Variants in ZMAT3 observed in about 807,000 individuals in gnomAD.
ZMAT3 encodes the protein zinc finger matrin-type 3.
A neutral mutation model predicts 32.3 loss-of-function variants in ZMAT3; 17 were observed. The observed-to-expected ratio is 0.53, with a 90% CI of 0.36 to 0.79. The LOEUF (loss-of-function observed/expected upper bound fraction) is 0.79, where lower values mean the gene tolerates loss of function less well. Ranked by LOEUF, ZMAT3 falls within the 30% of genes least tolerant of loss-of-function variation. The pLI, the probability that ZMAT3 is intolerant of heterozygous loss-of-function variation, is 0.00. For missense variants in ZMAT3, 329 were observed against 359.7 expected (o/e 0.91, Z 0.69); for synonymous variants, 120 against 133.1 (o/e 0.90, Z 0.68).
chr3:179,036,882 T>G (rs1201121076), intron 2 of ZMAT3, among the ~76,000 whole-genome samples: 1 of 152,018 alleles, frequency 6.6e-6, no homozygotes, highest in African/African-American at 2.4e-5. Context: ...AGTGAGAACT[T>G]CCTCGATGCC....
intron 2 of ZMAT3, among the ~76,000 whole-genome samples, chr3:179,048,377 A>T (rs1298893743): frequency 6.6e-6 from 1 of 152,228 alleles, no homozygotes; most frequent in Admixed American, 6.5e-5. Flanking sequence ...ACCTAAAGTC[A>T]AGATGAAAGA....
chr3:179,044,603 C>T (rs539387028), intron 2 of ZMAT3, among the ~76,000 whole-genome samples: 1 of 152,114 alleles, frequency 6.6e-6, no homozygotes, highest in East Asian at 1.9e-4. Flanking sequence ...AAGATTGCAC[C>T]ACCACACTCC....
rs1226876046 is a variant in ZMAT3 at position 179,023,646 on chromosome 3, T to C, written c.*1371A>G. 1 of 131,138 alleles carries C rather than the reference T, an allele frequency of 7.6e-6. No homozygotes were observed. The highest frequency in any genetic ancestry group is 8.0e-5 in the Admixed American group (1 of 12,564). 8.1% of individuals were successfully genotyped at this position (131,138 alleles called of 1,614,324 possible). A position where few individuals can be genotyped will look rare whatever the true frequency, so the allele number is the denominator to read the frequency against. On this transcript the variant is annotated 3_prime_UTR_variant, in exon 6 of 6. Coordinates refer to ENST00000311417, the MANE Select transcript of ZMAT3 (RefSeq NM_022470.4). ...TTACTATCAATGAAGTAACTCTAAA[T>C]TGGAAAATCAAACACACCTTTGTTT...
At chr3:179,062,749 A>G (rs1721214465) in intron 2 of ZMAT3, among the ~76,000 whole-genome samples, 1 of 152,220 alleles carries the variant, frequency 6.6e-6, no homozygotes, top group Non-Finnish European at 1.5e-5. Context: ...TGTTGGTTGA[A>G]TTATTCTTCA....
In ZMAT3 at chr3:179,055,129, A is replaced by G. The variant is rs192791365; in HGVS notation, c.270+12354T>C. ...TTTTGGCAACCACAAAGGGACCTCC[A>G]AAGCGATGGGAAACATTCCCCCCAA... is the stretch of plus-strand genomic sequence containing the variant. On this transcript the variant is annotated intron_variant, in intron 2 of 5. Transcript: ENST00000311417. Among the ~76,000 whole-genome samples, 5 of 152,322 alleles carry G rather than the reference A, an allele frequency of 3.3e-5. 1 individual carries two copies. Among genetic ancestry groups the G allele is most frequent in the Admixed American group, 3.3e-4 (5 of 15,306 alleles).
chr3:179,059,069 G>T (rs1051692439), intron 2 of ZMAT3, among the ~76,000 whole-genome samples: 1 of 152,106 alleles, frequency 6.6e-6, no homozygotes, highest in Non-Finnish European at 1.5e-5. Flanking sequence ...TGGCTGTACA[G>T]AAACCTAAAG....
chr3:179,063,008 G>T (rs935287844), intron 2 of ZMAT3, among the ~76,000 whole-genome samples: 2 of 152,164 alleles, frequency 1.3e-5, no homozygotes, highest in African/African-American at 4.8e-5. Context: ...TCACAATCCT[G>T]CAGAGGAAGT....
intron 2 of ZMAT3, among the ~76,000 whole-genome samples, chr3:179,031,581 C>A (rs1421853779): frequency 5.9e-5 from 9 of 152,036 alleles, no homozygotes; most frequent in Non-Finnish European, 8.8e-5. Flanking sequence ...AGAACACAGC[C>A]AAAGGAAATT....
intron 2 of ZMAT3, among the ~76,000 whole-genome samples, chr3:179,060,770 T>C (rs776498267): frequency 3.3e-5 from 5 of 152,086 alleles, no homozygotes; most frequent in Non-Finnish European, 7.4e-5. Flanking sequence ...ACAACCATCA[T>C]TGTCAGATCT....
chr3:179,065,618 T>G (rs957473628), intron 2 of ZMAT3, among the ~76,000 whole-genome samples: 6 of 152,180 alleles, frequency 3.9e-5, no homozygotes, highest in African/African-American at 1.4e-4. Context: ...GAGTTTTCCC[T>G]CATAAAAGTA....
intron 2 of ZMAT3, among the ~76,000 whole-genome samples, chr3:179,060,350 GAC>G (rs1721089989): frequency 6.6e-6 from 1 of 150,856 alleles, no homozygotes; most frequent in Admixed American, 6.6e-5. Flanking sequence ...TAGAAGGAAA[GAC>G]AAAAAAATCT....
chr3:179,033,508 A>T (rs549891878), intron 2 of ZMAT3, among the ~76,000 whole-genome samples: 31 of 147,742 alleles, frequency 2.1e-4, no homozygotes, highest in East Asian at 9.8e-4. Context: ...AAAAAATTTT[A>T]AAAAAAAGGA....
rs1240815528 is a variant in ZMAT3 at position 179,023,257 on chromosome 3, G to C, written c.*1760C>G. 6.6e-6 allele frequency: 1 copy of C among 150,546 alleles called. No individual in the cohort carries two copies. The highest frequency in any genetic ancestry group is 1.9e-4 in the East Asian group (1 of 5,160). 9.3% of individuals were successfully genotyped at this position (150,546 alleles called of 1,614,324 possible). A position where few individuals can be genotyped will look rare whatever the true frequency, so the allele number is the denominator to read the frequency against. ...GGCTGACTGCAACCTCCACCTCCTG[G>C]GTTCATACAACTTCTTATTTTAAAC... On this transcript the variant is annotated 3_prime_UTR_variant, in exon 6 of 6. Transcript: ENST00000311417.
chr3:179,056,456 T>A (rs547089341), intron 2 of ZMAT3, among the ~76,000 whole-genome samples: 1 of 152,228 alleles, frequency 6.6e-6, no homozygotes, highest in African/African-American at 2.4e-5. Flanking sequence ...ACAAGGACAC[T>A]TTAAAAAAGA....
chr3:179,026,733 T>G (rs1461223827), intron 5 of ZMAT3, among the ~76,000 whole-genome samples: 1 of 152,170 alleles, frequency 6.6e-6, no homozygotes. Flanking sequence ...CTTCTCTGGC[T>G]TTTCAGTTAG....
At chr3:179,054,369 T>A (rs1470414899) in intron 2 of ZMAT3, among the ~76,000 whole-genome samples, 1 of 152,206 alleles carries the variant, frequency 6.6e-6, no homozygotes, top group Non-Finnish European at 1.5e-5. Flanking sequence ...TAGCGAGTAG[T>A]AAGACCACAA....
rs1428891171 is a variant in ZMAT3 at position 179,046,716 on chromosome 3, G to A, written c.271-15717C>T. 1.3e-5 allele frequency among the ~76,000 whole-genome samples: 2 copies of A among 152,198 alleles called. No homozygotes were observed. Among genetic ancestry groups the A allele is most frequent in the African/African-American group, 4.8e-5 (2 of 41,450 alleles). Reference sequence around the variant, plus strand: ...GCTGGGGGATGCATGGGAGCTGGGTGAGGCCTGTAACAGCCAGCTTTCCCC... The same window carrying A: ...GCTGGGGGATGCATGGGAGCTGGGTAAGGCCTGTAACAGCCAGCTTTCCCC... On this transcript the variant is annotated intron_variant, in intron 2 of 5. Transcript: ENST00000311417. The surrounding 1 kb of genome is among the most constrained non-coding windows in gnomAD (Gnocchi z 4.3).
In ZMAT3 at chr3:179,026,379, C is replaced by CTTT. The variant is rs1235818885; in HGVS notation, c.658+1041_658+1043dup. Reference sequence around the variant, plus strand: ...CTTTTCTTAATCATAATGAATTGTGCTTTTTTTTTTTTTTTTTTTTTTTTT... The same window carrying CTTT: ...CTTTTCTTAATCATAATGAATTGTGCTTTTTTTTTTTTTTTTTTTTTTTTTTTT... On this transcript the variant is annotated intron_variant, in intron 5 of 5. Transcript: ENST00000311417. 9.9e-3 allele frequency among the ~76,000 whole-genome samples: 655 copies of CTTT among 65,970 alleles called. 30 individuals are homozygous for CTTT. The highest frequency in any genetic ancestry group is 0.012 in the Non-Finnish European group (431 of 36,992). The allele number at this position is 65,970 out of a possible 152,430, so 43.3% of individuals were successfully genotyped here. A position where few individuals can be genotyped will look rare whatever the true frequency, so the allele number is the denominator to read the frequency against.
At chr3:179,055,841 G>C (rs1460046249) in intron 2 of ZMAT3, among the ~76,000 whole-genome samples, 3 of 152,140 alleles carry the variant, frequency 2.0e-5, no homozygotes, top group Admixed American at 1.3e-4. Flanking sequence ...CGAGAGTTTG[G>C]CGATCTTTGG....
Sources: allele counts gnomAD v4.1 joint callset (sites outside exome capture counted in the v4.1 genomes callset), GRCh38; gene constraint gnomAD v4.1.1; non-coding constraint Gnocchi (gnomAD v3.1); transcripts MANE v1.5; gene names NCBI Gene and HGNC (gene_info 2026-07-23, HGNC 2026-07-21).